The following GPC5 variants were observed in gnomAD, a reference collection of about 807,000 sequenced individuals.
The protein encoded by GPC5 is glypican 5, also known as glypican-5.
In GPC5, 47 loss-of-function variants were observed where a neutral mutation model predicts 53.9. The ratio of observed to expected loss-of-function variants is 0.87; its 90% CI spans 0.69 to 1.11. The LOEUF (loss-of-function observed/expected upper bound fraction) is 1.11. GPC5 is among the 50% of genes most tolerant of loss of function. The pLI is 0.00. For missense variants in GPC5, 748 were observed against 713.1 expected (o/e 1.05, Z -0.56); for synonymous variants, 286 against 263.3 (o/e 1.09, Z -0.84).
At chr13:91,960,682 A>G (rs2040118322) in intron 6 of GPC5, among the ~76,000 whole-genome samples, 1 of 152,000 alleles carries the variant, frequency 6.6e-6, no homozygotes, top group Non-Finnish European at 1.5e-5. Flanking sequence ...TAGTAAAACA[A>G]CATGGTATGT....
At chr13:92,203,688 C>G (rs2042312348) in intron 7 of GPC5, among the ~76,000 whole-genome samples, 1 of 149,744 alleles carries the variant, frequency 6.7e-6, no homozygotes. Context: ...AAAATAATCT[C>G]TAGCAATTGA....
At chr13:92,762,031 G>T (rs1382058709) in intron 7 of GPC5, among the ~76,000 whole-genome samples, 1 of 151,678 alleles carries the variant, frequency 6.6e-6, no homozygotes, top group Non-Finnish European at 1.5e-5. Context: ...GCTTAAGGGA[G>T]TCCTTCAAAT....
chr13:92,239,078 C>T (rs558847619), intron 7 of GPC5, among the ~76,000 whole-genome samples: 11 of 150,518 alleles, frequency 7.3e-5, no homozygotes, highest in African/African-American at 2.7e-4. Flanking sequence ...TTTGTAGACT[C>T]TCATTAGTAC....
chr13:91,968,742 G>A (rs1471147064), intron 6 of GPC5, among the ~76,000 whole-genome samples: 4 of 152,086 alleles, frequency 2.6e-5, no homozygotes, highest in East Asian at 1.9e-4. Context: ...GATTACAGGC[G>A]TGAGCCACTG....
chr13:92,194,464 C>T (rs963129565), intron 7 of GPC5, among the ~76,000 whole-genome samples: 2 of 152,180 alleles, frequency 1.3e-5, no homozygotes, highest in African/African-American at 4.8e-5. Context: ...CCTGTCTGAG[C>T]AATTTTGAAA....
chr13:91,490,655 A>G (rs1187068940), intron 2 of GPC5, among the ~76,000 whole-genome samples: 1 of 152,140 alleles, frequency 6.6e-6, no homozygotes, highest in African/African-American at 2.4e-5. Flanking sequence ...ACACAATAGG[A>G]GTTGAGTATA....
At chr13:91,658,157 A>G (rs1407029393) in intron 2 of GPC5, among the ~76,000 whole-genome samples, 8 of 152,164 alleles carry the variant, frequency 5.3e-5, no homozygotes, top group African/African-American at 1.7e-4. Flanking sequence ...AAGGGAAAAA[A>G]ATCAGATCTG....
chr13:92,760,825 C>T (rs1875136897), intron 7 of GPC5, among the ~76,000 whole-genome samples: 1 of 151,720 alleles, frequency 6.6e-6, no homozygotes, highest in South Asian at 2.1e-4. Context: ...TTGCTGTATC[C>T]CATAGGTTTT....
At chr13:92,010,364 T>C (rs2040649919) in intron 6 of GPC5, among the ~76,000 whole-genome samples, 1 of 152,176 alleles carries the variant, frequency 6.6e-6, no homozygotes, top group Non-Finnish European at 1.5e-5. Context: ...AAATCACATA[T>C]AGTAGAGGTT....
At chr13:91,668,896 G>T (rs1281935573) in intron 2 of GPC5, among the ~76,000 whole-genome samples, 1 of 152,124 alleles carries the variant, frequency 6.6e-6, no homozygotes, top group Non-Finnish European at 1.5e-5. Context: ...CTAACAAGGA[G>T]AATTCAACCA....
intron 2 of GPC5, among the ~76,000 whole-genome samples, chr13:91,617,713 A>G (rs996719595): frequency 2.6e-5 from 4 of 151,770 alleles, no homozygotes; most frequent in African/African-American, 9.7e-5. Flanking sequence ...TTTAGGTGTT[A>G]AGGATAAAGA....
At chr13:92,498,124 T>G (rs2138926260) in intron 7 of GPC5, among the ~76,000 whole-genome samples, 1 of 152,202 alleles carries the variant, frequency 6.6e-6, no homozygotes, top group Non-Finnish European at 1.5e-5. Flanking sequence ...ATTCCACTAC[T>G]TAGGGCAGGA....
intron 2 of GPC5, among the ~76,000 whole-genome samples, chr13:91,689,106 C>T (rs972639308): frequency 2.1e-5 from 3 of 146,074 alleles, no homozygotes; most frequent in Non-Finnish European, 3.0e-5. Context: ...AAGGTTTAGG[C>T]TACAGGGAGC....
Position 91,860,525 on chromosome 13 carries a change from C to CTTT in GPC5, c.1281-47400_1281-47398dup, listed in dbSNP as rs553332919. Reference sequence around the variant, plus strand: ...CTTTCTTTCTTCTTTTTCTTTATTTCTTTTTTTTTTTTTTGAGATGGAGTC... The same window carrying CTTT: ...CTTTCTTTCTTCTTTTTCTTTATTTCTTTTTTTTTTTTTTTTTGAGATGGAGTC... On this transcript the variant is annotated intron_variant, in intron 5 of 7. Transcript: ENST00000377067. Among the ~76,000 whole-genome samples, 491 of 132,232 alleles carry CTTT rather than the reference C, an allele frequency of 3.7e-3. 3 individuals are homozygous for CTTT. Among genetic ancestry groups the CTTT allele is most frequent in the African/African-American group, 0.013 (464 of 35,484 alleles). 86.7% of individuals were successfully genotyped at this position (132,232 alleles called of 152,430 possible).
At chr13:92,206,288 C>T (rs2042336570) in intron 7 of GPC5, among the ~76,000 whole-genome samples, 2 of 150,426 alleles carry the variant, frequency 1.3e-5, no homozygotes, top group South Asian at 2.1e-4. Flanking sequence ...CCTCAGCCTC[C>T]CGAGTAGCTG....
chr13:91,627,575 A>G (rs534316438), intron 2 of GPC5, among the ~76,000 whole-genome samples: 2 of 152,236 alleles, frequency 1.3e-5, no homozygotes, highest in South Asian at 4.1e-4. Flanking sequence ...CTAAATCTCT[A>G]TAGATGGTGT....
chr13:92,274,849 A>G (rs1448836214), intron 7 of GPC5, among the ~76,000 whole-genome samples: 2 of 152,100 alleles, frequency 1.3e-5, no homozygotes, highest in Admixed American at 1.3e-4. Context: ...TCACAGGTCC[A>G]TTCACACTCA....
At chr13:92,458,394 G>T (rs930949797) in intron 7 of GPC5, among the ~76,000 whole-genome samples, 2 of 152,026 alleles carry the variant, frequency 1.3e-5, no homozygotes, top group East Asian at 3.9e-4. Flanking sequence ...CACATCCCGG[G>T]TTTAAGATAT....
intron 7 of GPC5, chr13:92,701,562 C>G (rs1887740618): frequency 6.6e-6 from 1 of 152,100 alleles, no homozygotes; most frequent in African/African-American, 2.4e-5. Context: ...CCCCAACCAC[C>G]TGCAGGAGTG....
Sources: allele counts gnomAD v4.1 joint callset (sites outside exome capture counted in the v4.1 genomes callset), GRCh38; gene constraint gnomAD v4.1.1; transcripts MANE v1.5; gene names NCBI Gene and HGNC (gene_info 2026-07-23, HGNC 2026-07-21).